The following SSBP3 variants were observed in gnomAD, a reference collection of about 807,000 sequenced individuals.
The protein encoded by SSBP3 is single-stranded DNA-binding protein 3.
A neutral mutation model predicts 69.6 loss-of-function variants in SSBP3; 5 were observed. The observed-to-expected ratio is 0.07, with a 90% CI of 0.04 to 0.15. The LOEUF (loss-of-function observed/expected upper bound fraction) is 0.15. Among genes scored for constraint, SSBP3 ranks in the 10% least tolerant of loss-of-function variants. The pLI, the probability that SSBP3 is intolerant of heterozygous loss-of-function variation, is 1.00. For missense variants in SSBP3, 312 were observed against 534.0 expected (o/e 0.58, Z 4.10); for synonymous variants, 196 against 193.4 (o/e 1.01, Z -0.11).
intron 4 of SSBP3, among the ~76,000 whole-genome samples, chr1:54,317,277 C>T (rs916548210): frequency 1.1e-4 from 17 of 152,312 alleles, no homozygotes; most frequent in Admixed American, 4.6e-4. Flanking sequence ...GTGACTCACA[C>T]CTGTCATCTC....
chr1:54,276,429 G>A (rs964599626), intron 5 of SSBP3, among the ~76,000 whole-genome samples: 2 of 151,772 alleles, frequency 1.3e-5, no homozygotes, highest in African/African-American at 4.8e-5. Flanking sequence ...TGGCCAGCAT[G>A]GTGAAACCCC....
In SSBP3 at chr1:54,258,717, G is replaced by A. The variant is rs753493605; in HGVS notation, c.367-568C>T. Among the ~76,000 whole-genome samples the A allele has an allele frequency of 1.1e-4, 16 of 152,174 alleles. No individual in the cohort carries two copies. The highest frequency in any genetic ancestry group is 2.4e-4 in the Non-Finnish European group (16 of 68,028). On this transcript the variant is annotated intron_variant, in intron 5 of 17. Coordinates refer to ENST00000610401, the Ensembl canonical transcript of SSBP3. This position sits in a 1 kb window ranked among gnomAD's most constrained non-coding sequence, Gnocchi z 4.5. The stretch of plus-strand genomic sequence containing the variant: ...GGCAGGAGGGCCGGGGGCACCGACA[G>A]ATAAACAACAGAGGCAAGAGGAGCA...
chr1:54,404,814 G>C lies in SSBP3; in HGVS notation c.129+44C>G, dbSNP rs201081940. The C allele has an allele frequency of 3.8e-6, 4 of 1,057,392 alleles. No homozygotes were observed. The African/African-American group carries it at 6.8e-5, about 18-fold the overall frequency. The allele number at this position is 1,057,392 out of a possible 1,614,324, so 65.5% of individuals were successfully genotyped here. On this transcript the variant is annotated intron_variant, in intron 2 of 17. Coordinates refer to ENST00000610401, the Ensembl canonical transcript of SSBP3. ...ACAAAGGCTCTAAGAATAGTGGGGGGGGGGGGTGTCAAGAAATTGGATGCT... is the reference window on the plus strand; with the variant it reads ...ACAAAGGCTCTAAGAATAGTGGGGGCGGGGGGTGTCAAGAAATTGGATGCT...
intron 4 of SSBP3, among the ~76,000 whole-genome samples, chr1:54,289,175 T>G (rs623888): frequency 0.28 from 42,246 of 151,954 alleles, 6,309 homozygotes; most frequent in Non-Finnish European, 0.33. Context: ...TCCATTCCCG[T>G]GTTTGAGACT....
intron 4 of SSBP3, among the ~76,000 whole-genome samples, chr1:54,337,788 C>A (rs1646536841): frequency 1.3e-5 from 2 of 152,030 alleles, no homozygotes; most frequent in African/African-American, 4.8e-5. Context: ...GGCCACCATG[C>A]CCGGCCTCCT....
intron 4 of SSBP3, among the ~76,000 whole-genome samples, chr1:54,290,500 G>T (rs943737995): frequency 7.2e-5 from 11 of 152,254 alleles, no homozygotes; most frequent in African/African-American, 2.7e-4. Context: ...CTTCTGAGAA[G>T]GGGCCTCTCT....
At chr1:54,259,106 G>C (rs1644973324) in intron 5 of SSBP3, among the ~76,000 whole-genome samples, 1 of 151,960 alleles carries the variant, frequency 6.6e-6, no homozygotes, top group Non-Finnish European at 1.5e-5. Context: ...TCATACCTCA[G>C]TTCCAAGCTG....
intron 4 of SSBP3, among the ~76,000 whole-genome samples, chr1:54,323,675 A>G (rs541445500): frequency 1.3e-5 from 2 of 152,308 alleles, no homozygotes; most frequent in African/African-American, 4.8e-5. Flanking sequence ...TTGGATTGCA[A>G]AAGCCTGGAT....
intron 4 of SSBP3, among the ~76,000 whole-genome samples, chr1:54,305,605 T>C (rs1370655764): frequency 1.4e-5 from 2 of 145,280 alleles, no homozygotes; most frequent in African/African-American, 5.5e-5. Context: ...TGCCATCATT[T>C]AGTTATTTTT....
At chr1:54,359,377 C>T (rs1333348311) in intron 4 of SSBP3, among the ~76,000 whole-genome samples, 2 of 152,096 alleles carry the variant, frequency 1.3e-5, no homozygotes, top group East Asian at 1.9e-4. Context: ...CAGAAGAAAC[C>T]AGGGCCAGGG....
intron 4 of SSBP3, among the ~76,000 whole-genome samples, chr1:54,397,848 T>C (rs148461292): frequency 6.6e-6 from 1 of 152,260 alleles, no homozygotes; most frequent in African/African-American, 2.4e-5. Flanking sequence ...CTGCCAAAAG[T>C]TAAGAGCCGT....
At chr1:54,308,957 T>C (rs1176535413) in intron 4 of SSBP3, among the ~76,000 whole-genome samples, 1 of 151,922 alleles carries the variant, frequency 6.6e-6, no homozygotes, top group Non-Finnish European at 1.5e-5. Flanking sequence ...AAAATCTCAC[T>C]GATTTAGAAT....
chr1:54,394,720 T>TTA (rs1648738704), intron 4 of SSBP3, among the ~76,000 whole-genome samples: 1 of 140,940 alleles, frequency 7.1e-6, no homozygotes. Flanking sequence ...TTTTTTTTTT[T>TTA]GAGACGGAGT....
intron 4 of SSBP3, among the ~76,000 whole-genome samples, chr1:54,282,606 G>A (rs1569599976): frequency 6.6e-6 from 1 of 152,266 alleles, no homozygotes; most frequent in African/African-American, 2.4e-5. Context: ...GGTGGTCGGC[G>A]CGTCTGTGCC....
chr1:54,341,607 C>A (rs1228065516), intron 4 of SSBP3, among the ~76,000 whole-genome samples: 1 of 151,930 alleles, frequency 6.6e-6, no homozygotes, highest in Non-Finnish European at 1.5e-5. Context: ...ATAGCCCAGT[C>A]CTTACCTTCC....
At chr1:54,248,961 C>T (rs1644778952) in intron 9 of SSBP3, among the ~76,000 whole-genome samples, 1 of 152,152 alleles carries the variant, frequency 6.6e-6, no homozygotes, top group African/African-American at 2.4e-5. Context: ...AGCCTCTCTC[C>T]CTCCCGCTGG....
chr1:54,380,561 G>C (rs913559315), intron 4 of SSBP3, among the ~76,000 whole-genome samples: 7 of 152,242 alleles, frequency 4.6e-5, no homozygotes, highest in African/African-American at 1.7e-4. Context: ...AGACAGCTCT[G>C]GCCAGGGCCA....
At chr1:54,370,755 C>G (rs1647119077) in intron 4 of SSBP3, among the ~76,000 whole-genome samples, 1 of 152,106 alleles carries the variant, frequency 6.6e-6, no homozygotes, top group Non-Finnish European at 1.5e-5. Flanking sequence ...ACAAGAGTGG[C>G]CCTCAGGCAC....
exon 1 of SSBP3, chr1:54,406,035 C>CCCGCCG (rs1649730387): frequency 1.6e-6 from 2 of 1,240,168 alleles, no homozygotes; most frequent in Non-Finnish European, 1.1e-6. Flanking sequence ...GGCGCCGAGC[C>CCCGCCG]TCGCCGCCGC....
Sources: allele counts gnomAD v4.1 joint callset (sites outside exome capture counted in the v4.1 genomes callset), GRCh38; gene constraint gnomAD v4.1.1; non-coding constraint Gnocchi (gnomAD v3.1); transcripts MANE v1.5; gene names NCBI Gene and HGNC (gene_info 2026-07-23, HGNC 2026-07-21).